ALMS1: variants seen among roughly 807,000 people sequenced by gnomAD.
The protein encoded by ALMS1 is centrosome-associated protein ALMS1.
A neutral mutation model predicts 352.2 loss-of-function variants in ALMS1; 271 were observed. The observed-to-expected ratio is 0.77, with a 90% confidence interval of 0.70 to 0.85. The LOEUF (loss-of-function observed/expected upper bound fraction) is 0.85, where lower values mean the gene tolerates loss of function less well. ALMS1 is among the 40% of genes least tolerant of loss of function. The pLI, the probability that ALMS1 is intolerant of heterozygous loss-of-function variation, is 0.00. For synonymous variants in ALMS1, 1,865 were observed against 1,761.2 expected, an observed-to-expected ratio of 1.06 and a Z score of -1.48; for missense variants, 5,445 against 4,870.7, an observed-to-expected ratio of 1.12 and a Z score of -3.51.
At chr2:73,499,988 A>G (rs1381684805) in intron 10 of ALMS1, among the ~76,000 whole-genome samples, 1 of 152,140 alleles carries the variant, frequency 6.6e-6, no homozygotes, top group Non-Finnish European at 1.5e-5. Context: ...CATGCTTCTT[A>G]CACAGCCTGC....
Position 73,490,061 on chromosome 2 carries a change from A to C in ALMS1, c.8102A>C (p.Gln2701Pro), listed in dbSNP as rs775347639. 1.2e-6 allele frequency: 2 copies of C among 1,614,186 alleles called. No individual in the cohort carries two copies. The highest frequency in any genetic ancestry group is 2.2e-5 in the South Asian group (2 of 91,078). ...GAAGTGGATTTTCATTCTTCATCAC[A>C]AATGCCGTCCCCAGAACCCATGAAA... ...PKEVDFHSSS[Q>P]MPSPEPMKKF... The change falls in exon 10 of 23, where the codon CAA (glutamine) becomes CCA (proline). Residue 2701 changes from glutamine to proline, a missense_variant. Gln to Pro is a moderately conservative substitution (Grantham distance 76). Transcript: ENST00000613296.
At chr2:73,480,263 T>G (rs993156444) in intron 9 of ALMS1, among the ~76,000 whole-genome samples, 1 of 151,984 alleles carries the variant, frequency 6.6e-6, no homozygotes, top group Non-Finnish European at 1.5e-5. Context: ...AGTGTGATAT[T>G]CTCCTTCCTG....
intron 6 of ALMS1, among the ~76,000 whole-genome samples, chr2:73,430,582 G>A (rs1026239353): frequency 6.6e-6 from 1 of 152,184 alleles, no homozygotes; most frequent in Non-Finnish European, 1.5e-5. Context: ...GTTAGTGACA[G>A]ACTGCATATA....
At chr2:73,457,627 A>T (rs575756267) in intron 9 of ALMS1, among the ~76,000 whole-genome samples, 2 of 152,174 alleles carry the variant, frequency 1.3e-5, no homozygotes, top group African/African-American at 2.4e-5. Flanking sequence ...ATCAAATTTG[A>T]TCATTTATTT....
At chr2:73,603,093 A>C (rs1675734577) in intron 20 of ALMS1, 148 bp from the exon 21 acceptor site, 4 of 735,322 alleles carry the variant, frequency 5.4e-6, no homozygotes, top group East Asian at 2.7e-5. Context: ...CTAGTCTTAC[A>C]CTGGCTTGCC....
chr2:73,546,521 T>C (rs1674324042), intron 12 of ALMS1, among the ~76,000 whole-genome samples: 1 of 152,248 alleles, frequency 6.6e-6, no homozygotes, highest in Non-Finnish European at 1.5e-5. Context: ...TTCACGTTGG[T>C]TGACAGATAT....
chr2:73,450,369 T>C lies in ALMS1; in HGVS notation c.3842T>C (p.Val1281Ala), dbSNP rs963858714. The C allele has an allele frequency of 1.9e-6, 3 of 1,613,318 alleles. No homozygotes were observed. Among genetic ancestry groups the C allele is most frequent in the Non-Finnish European group, 2.5e-6 (3 of 1,179,830 alleles). ...PVDQTTGTPAVTSTSYSQYRE... is the reference protein window; with the variant it reads ...PVDQTTGTPAATSTSYSQYRE... ...GACCAGACAACTGGCACACCAGCTG[T>C]AACCTCTACTTCCTACTCACAATAT... The change falls in exon 8 of 23, where the codon GTA (valine) becomes GCA (alanine). Residue 1281 changes from valine to alanine, a missense_variant. Coordinates refer to ENST00000613296, the MANE Select transcript of ALMS1 (RefSeq NM_001378454.1).
At chr2:73,459,938 CT>C (rs1389415699) in intron 9 of ALMS1, among the ~76,000 whole-genome samples, 2 of 152,112 alleles carry the variant, frequency 1.3e-5, no homozygotes, top group South Asian at 2.1e-4. Context: ...ACGCACCCCC[CT>C]CTCCCCTGTA....
At chr2:73,577,298 A>G (rs1675073176) in intron 16 of ALMS1, among the ~76,000 whole-genome samples, 1 of 151,940 alleles carries the variant, frequency 6.6e-6, no homozygotes, top group Non-Finnish European at 1.5e-5. Flanking sequence ...TCTTTGGGGA[A>G]ATTTTTTTTC....
intron 7 of ALMS1, among the ~76,000 whole-genome samples, chr2:73,438,465 C>T (rs897353666): frequency 6.6e-6 from 1 of 152,100 alleles, no homozygotes; most frequent in Non-Finnish European, 1.5e-5. Flanking sequence ...GAAAAAGAAT[C>T]GGTGACACCA....
chr2:73,431,275 A>G (rs940068964), intron 6 of ALMS1, among the ~76,000 whole-genome samples: 2 of 152,202 alleles, frequency 1.3e-5, no homozygotes, highest in African/African-American at 2.4e-5. Context: ...AGATATAGAA[A>G]TAGATATGGA....
intron 12 of ALMS1, among the ~76,000 whole-genome samples, chr2:73,535,820 G>T (rs1220437026): frequency 6.6e-6 from 1 of 152,058 alleles, no homozygotes; most frequent in Non-Finnish European, 1.5e-5. Context: ...GATATGACTT[G>T]ATTCACTTTA....
chr2:73,433,511 A>G (rs573470089), intron 7 of ALMS1, among the ~76,000 whole-genome samples: 1 of 152,302 alleles, frequency 6.6e-6, no homozygotes, highest in South Asian at 2.1e-4. Context: ...GAATAAGTAG[A>G]TTTAAATGAG....
rs367710998 is a variant in ALMS1, at chr2:73,447,957, T to C, written c.1433-3T>C. The C allele has an allele frequency of 8.7e-6, 14 of 1,605,180 alleles. No individual in the cohort carries two copies. The African/African-American group carries it at 1.7e-4, about 20-fold the overall frequency. On this transcript the variant is annotated splice_region_variant and splice_polypyrimidine_tract_variant and intron_variant, in intron 7 of 22. Transcript: ENST00000613296. ...TACTATTAACAAATCTCTTTTTCTT[T>C]AGGAGACACTTCTAAAGGAGGCATA...
chr2:73,567,442 C>T (rs778530779), intron 15 of ALMS1, among the ~76,000 whole-genome samples: 2 of 152,142 alleles, frequency 1.3e-5, no homozygotes, highest in Non-Finnish European at 2.9e-5. Context: ...TTTAGTAGTT[C>T]TGGCCAGGAG....
chr2:73,517,347 G>A (rs1673582030), intron 10 of ALMS1, among the ~76,000 whole-genome samples: 2 of 146,708 alleles, frequency 1.4e-5, no homozygotes, highest in Admixed American at 6.9e-5. Flanking sequence ...TCGAACTCTT[G>A]GTCTCAAGCA....
intron 12 of ALMS1, among the ~76,000 whole-genome samples, chr2:73,544,905 A>G (rs772050267): frequency 2.0e-5 from 3 of 152,216 alleles, no homozygotes; most frequent in Non-Finnish European, 2.9e-5. Context: ...ACATGCTACA[A>G]CATGGATGAA....
intron 3 of ALMS1, among the ~76,000 whole-genome samples, chr2:73,421,728 G>A (rs1671288137): frequency 6.6e-6 from 1 of 152,120 alleles, no homozygotes; most frequent in Non-Finnish European, 1.5e-5. Flanking sequence ...TATATGGAAG[G>A]TATGCAGGGT....
chr2:73,520,026 T>A lies in ALMS1; in HGVS notation c.9781+10T>A. Reference sequence around the variant, plus strand: ...TCTCGCGGCACAGATGGTAAGAGAATGTGATTGCATTTTAGATTGTTAGAC... The same window carrying A: ...TCTCGCGGCACAGATGGTAAGAGAAAGTGATTGCATTTTAGATTGTTAGAC... On this transcript the variant is annotated intron_variant, in intron 11 of 22. Coordinates refer to ENST00000613296, the MANE Select transcript of ALMS1 (RefSeq NM_001378454.1). The A allele has an allele frequency of 6.2e-7, 1 of 1,614,074 alleles. No individual in the cohort carries two copies. Among genetic ancestry groups the A allele is most frequent in the Non-Finnish European group, 8.5e-7 (1 of 1,179,946 alleles).
Sources: allele counts gnomAD v4.1 joint callset (sites outside exome capture counted in the v4.1 genomes callset), GRCh38; gene constraint gnomAD v4.1.1; transcripts MANE v1.5; gene names NCBI Gene and HGNC (gene_info 2026-07-23, HGNC 2026-07-21).